Variants in MLXIP observed in about 807,000 individuals in gnomAD.
The protein encoded by MLXIP is MLX-interacting protein.
MLXIP carries 30 observed loss-of-function variants against 87.2 expected under a neutral mutation model. The observed-to-expected ratio is 0.34, with a 90% CI of 0.26 to 0.47. The LOEUF (loss-of-function observed/expected upper bound fraction) is 0.47, where lower values mean the gene tolerates loss of function less well. Among genes scored for constraint, MLXIP ranks in the 20% least tolerant of loss-of-function variants. The pLI is 1.00. For missense variants in MLXIP, 1,002 were observed against 1,240.1 expected (o/e 0.81, Z 2.88); for synonymous variants, 530 against 514.0 (o/e 1.03, Z -0.42).
At chr12:122,088,013 G>A (rs1174852035) in intron 1 of MLXIP, among the ~76,000 whole-genome samples, 1 of 152,232 alleles carries the variant, frequency 6.6e-6, no homozygotes, top group African/African-American at 2.4e-5. Context: ...ATGTCACGCT[G>A]AGGACACCAC....
At chr12:122,121,010 GTTTTTT>G (rs1233404015) in intron 1 of MLXIP, among the ~76,000 whole-genome samples, 2 of 111,910 alleles carry the variant, frequency 1.8e-5, no homozygotes, top group South Asian at 2.8e-4. Context: ...TGCATGCTTG[GTTTTTT>G]TTTTTTTTTT....
chr12:122,118,576 A>G (rs28607028), intron 1 of MLXIP, among the ~76,000 whole-genome samples: 76,815 of 152,058 alleles, frequency 0.51, 19,903 homozygotes, highest in Middle Eastern at 0.64. Context: ...GGCCGGGCGC[A>G]GTGGCTCACG....
At chr12:122,122,589 T>C (rs1168660593) in intron 1 of MLXIP, among the ~76,000 whole-genome samples, 1 of 152,038 alleles carries the variant, frequency 6.6e-6, no homozygotes, top group Admixed American at 6.6e-5. Context: ...TCGTCCGGGC[T>C]GGAGTGCAGT....
chr12:122,084,029 T>TC (rs920770006), intron 1 of MLXIP, among the ~76,000 whole-genome samples: 1 of 152,138 alleles, frequency 6.6e-6, no homozygotes, highest in Non-Finnish European at 1.5e-5. Flanking sequence ...ACACAGTCTC[T>TC]CTCCTCAAGG....
chr12:122,138,688 C>A, intron 14 of MLXIP, 127 bp from the exon 15 acceptor site: 2 of 1,496,032 alleles, frequency 1.3e-6, no homozygotes, highest in African/African-American at 1.4e-5. Flanking sequence ...TGTCAACCTC[C>A]TTCCACAGAC....
rs1246178756 is a variant in MLXIP, at chr12:122,079,161, A to G, written c.308A>G (p.Asn103Ser). Residue 103 changes from asparagine (N) to serine (S), a missense_variant, in exon 1 of 17, where the codon AAC becomes AGC. Physicochemically the swap from Asn to Ser is conservative, Grantham distance 46. Around this residue, in one of 3 missense-constraint regions of MLXIP, gnomAD observed 127 missense variants for 239.0 expected, o/e 0.53. Transcript: ENST00000319080. ...AAGGGCTACGATTTCGACACGGTCA[A>G]CAAACAGACGTGCCAGACCTACAGC... ...PKKGYDFDTV[N>S]KQTCQTYSFG... 5 of 1,551,124 alleles carry G rather than the reference A, an allele frequency of 3.2e-6. No individual in the cohort carries two copies. Among genetic ancestry groups the G allele is most frequent in the Non-Finnish European group, 4.4e-6 (5 of 1,146,830 alleles).
At chr12:122,131,836 G>T (rs764569235) in intron 7 of MLXIP, among the ~76,000 whole-genome samples, 1 of 150,636 alleles carries the variant, frequency 6.6e-6, no homozygotes, top group South Asian at 2.1e-4. Flanking sequence ...GGACTTAAGC[G>T]ATCCTTCCGC....
At chr12:122,103,922 G>A (rs544367674) in intron 1 of MLXIP, among the ~76,000 whole-genome samples, 11 of 150,088 alleles carry the variant, frequency 7.3e-5, no homozygotes, top group Non-Finnish European at 1.0e-4. Context: ...TGATCCTTCC[G>A]CCTTGGTCTC....
At chr12:122,131,867 G>T (rs1952985579) in intron 7 of MLXIP, among the ~76,000 whole-genome samples, 1 of 150,462 alleles carries the variant, frequency 6.6e-6, no homozygotes, top group Non-Finnish European at 1.5e-5. Flanking sequence ...TGTGTAGTTG[G>T]GACCACTGGT....
intron 16 of MLXIP, 49 bp downstream of exon 16, chr12:122,141,132 G>A (rs781704951): frequency 2.5e-6 from 4 of 1,569,698 alleles, no homozygotes; most frequent in Non-Finnish European, 3.4e-6. Flanking sequence ...GTCCTGGAGG[G>A]AGGACAGCCC....
At position 122,088,784 on chromosome 12, in the gene MLXIP, C is replaced by T. The variant is rs190741253; in HGVS notation, c.413+9518C>T. ...TTGCTCTGCTCCCATGAGGCAAATT[C>T]GGTCACCAAAACAAAAAAACAGCTT... On this transcript the variant is annotated intron_variant, in intron 1 of 16. Coordinates refer to ENST00000319080, the MANE Select transcript of MLXIP (RefSeq NM_014938.6). Among the ~76,000 whole-genome samples, 613 of 152,102 alleles carry T rather than the reference C, an allele frequency of 4.0e-3. 6 individuals carry two copies. The highest frequency in any genetic ancestry group is 0.014 in the African/African-American group (581 of 41,496).
In MLXIP at chr12:122,146,525, A is replaced by G. The variant is rs1482199109; in HGVS notation, c.*4713A>G. 1 of 152,162 alleles carries G rather than the reference A, an allele frequency of 6.6e-6. No individual in the cohort carries two copies. 9.4% of individuals were successfully genotyped at this position (152,162 alleles called of 1,614,324 possible). On this transcript the variant is annotated 3_prime_UTR_variant, in exon 17 of 17. Coordinates refer to ENST00000319080, the MANE Select transcript of MLXIP (RefSeq NM_014938.6). ...TTCTGAGGTCTTGGCCCCCCTGGCC[A>G]CCGCAAGGGACTCTTTGCTTGTCAG... is the stretch of plus-strand genomic sequence containing the variant.
intron 1 of MLXIP, among the ~76,000 whole-genome samples, chr12:122,107,728 C>T (rs1269726200): frequency 1.3e-5 from 2 of 152,206 alleles, no homozygotes; most frequent in African/African-American, 4.8e-5. Flanking sequence ...ACTGCCCTCT[C>T]CCGGCTCTCC....
rs536239066 is a variant in MLXIP at position 122,129,120 on chromosome 12, C to T, written c.607-17C>T. 1.3e-6 allele frequency: 2 copies of T among 1,595,326 alleles called. No homozygotes were observed. The highest frequency in any genetic ancestry group is 1.7e-6 in the Non-Finnish European group (2 of 1,170,230). ...AGCAGAGCCCCCTCTTCACTCTGCT[C>T]TCTGTCCCTGTCCTAGGCCATCACC... On this transcript the variant is annotated splice_polypyrimidine_tract_variant and intron_variant, in intron 3 of 16. Transcript: ENST00000319080.
chr12:122,105,628 C>T (rs142907186), intron 1 of MLXIP, among the ~76,000 whole-genome samples: 3,134 of 152,168 alleles, frequency 0.021, 52 homozygotes, highest in Non-Finnish European at 0.032. Flanking sequence ...TGAGCCACCG[C>T]GCTCGGCTGA....
intron 1 of MLXIP, among the ~76,000 whole-genome samples, chr12:122,098,786 C>T (rs898393043): frequency 6.6e-6 from 1 of 152,222 alleles, no homozygotes; most frequent in Admixed American, 6.5e-5. Context: ...GTTTGCGTCG[C>T]TCCGGTGCTC....
At chr12:122,085,140 C>G (rs916158885) in intron 1 of MLXIP, among the ~76,000 whole-genome samples, 2 of 152,068 alleles carry the variant, frequency 1.3e-5, no homozygotes, top group Non-Finnish European at 1.5e-5. Context: ...TCGGTCCACT[C>G]CATGTCTCTC....
intron 1 of MLXIP, among the ~76,000 whole-genome samples, chr12:122,116,180 C>T (rs114724927): frequency 0.011 from 1,727 of 152,128 alleles, 30 homozygotes; most frequent in African/African-American, 0.039. Context: ...TGTGCTCCAG[C>T]GATACAAGAG....
intron 3 of MLXIP, 53 bp downstream of exon 3, chr12:122,128,021 C>A: frequency 2.0e-6 from 3 of 1,482,554 alleles, no homozygotes; most frequent in Non-Finnish European, 2.8e-6. Flanking sequence ...CAGCACCTCA[C>A]CGGGAGTGGC....
Sources: gnomAD v4.1 joint callset for allele counts (sites outside exome capture counted in the v4.1 genomes callset) on GRCh38, gnomAD v4.1.1 for gene constraint, gnomAD v4.1.1 regional missense constraint, MANE v1.5 for transcripts, NCBI Gene and HGNC (gene_info 2026-07-23, HGNC 2026-07-21) for gene names.